The following MYO3B variants were observed in gnomAD, a reference collection of about 807,000 sequenced individuals.
The protein encoded by MYO3B is myosin-IIIb.
In MYO3B, 156 loss-of-function variants were observed where a neutral mutation model predicts 174.6. The ratio of observed to expected loss-of-function variants is 0.89; its 90% CI spans 0.78 to 1.02. The LOEUF (loss-of-function observed/expected upper bound fraction) is 1.02. MYO3B is among the 50% of genes least tolerant of loss of function. MYO3B has a pLI of 0.00. For missense variants in MYO3B, 1,632 were observed against 1,639.4 expected, an observed-to-expected ratio of 1.00 and a Z score of 0.08; for synonymous variants, 563 against 569.1, an observed-to-expected ratio of 0.99 and a Z score of 0.15.
At chr2:170,507,387 TTC>T (rs1322765253) in intron 28 of MYO3B, among the ~76,000 whole-genome samples, 1 of 123,598 alleles carries the variant, frequency 8.1e-6, no homozygotes, top group Admixed American at 9.9e-5. Flanking sequence ...AAGTGGGGCT[TTC>T]TTTCTTTCTT....
Position 170,572,607 on chromosome 2 carries a change from CA to C in MYO3B, c.3733+28636del, listed in dbSNP as rs574487856. 2.0e-3 allele frequency among the ~76,000 whole-genome samples: 248 copies of C among 123,966 alleles called. 2 individuals carry two copies. The highest frequency in any genetic ancestry group is 0.016 in the South Asian group (59 of 3,664). The allele number at this position is 123,966 out of a possible 152,430, so 81.3% of individuals were successfully genotyped here. On this transcript the variant is annotated intron_variant, in intron 32 of 34. Transcript: ENST00000408978. ...TCCAGCCTGGGCAATGACCCTATAT[CA>C]AAAAAAAAAAAAAAAAGGTAAGGAC...
chr2:170,339,223 T>C (rs2093963170), intron 8 of MYO3B, among the ~76,000 whole-genome samples: 2 of 152,346 alleles, frequency 1.3e-5, no homozygotes, highest in South Asian at 4.1e-4. Context: ...AAAGTTTCTT[T>C]TAACCTGAAT....
chr2:170,493,279 A>G (rs1210825208), intron 25 of MYO3B, among the ~76,000 whole-genome samples: 1 of 152,152 alleles, frequency 6.6e-6, no homozygotes, highest in South Asian at 2.1e-4. Flanking sequence ...TTGTGTAGGC[A>G]AGTTTATCAG....
At chr2:170,215,068 A>C (rs2092813118) in intron 5 of MYO3B, among the ~76,000 whole-genome samples, 1 of 152,226 alleles carries the variant, frequency 6.6e-6, no homozygotes, top group Non-Finnish European at 1.5e-5. Context: ...AGTGTTTCAA[A>C]AGAAGAACTT....
intron 32 of MYO3B, among the ~76,000 whole-genome samples, chr2:170,606,233 C>T (rs1358798892): frequency 6.6e-6 from 1 of 152,188 alleles, no homozygotes; most frequent in African/African-American, 2.4e-5. Context: ...CAAACTGCCT[C>T]CCTGGCCATC....
chr2:170,433,604 T>G (rs1027197850), intron 22 of MYO3B, among the ~76,000 whole-genome samples: 1 of 152,144 alleles, frequency 6.6e-6, no homozygotes, highest in Non-Finnish European at 1.5e-5. Flanking sequence ...GCAAAAGGGT[T>G]TTTTGTGGGG....
At chr2:170,503,536 T>A (rs967820939) in intron 28 of MYO3B, among the ~76,000 whole-genome samples, 2 of 151,888 alleles carry the variant, frequency 1.3e-5, no homozygotes, top group Non-Finnish European at 2.9e-5. Flanking sequence ...TCCTTTTTTT[T>A]AGCCTTGCAA....
intron 7 of MYO3B, among the ~76,000 whole-genome samples, chr2:170,246,052 T>A (rs185119521): frequency 6.6e-6 from 1 of 152,248 alleles, no homozygotes; most frequent in Admixed American, 6.5e-5. Context: ...TTTACAAATA[T>A]AATTTTGGGA....
chr2:170,506,321 G>A (rs1011715000), intron 28 of MYO3B, among the ~76,000 whole-genome samples: 3 of 152,196 alleles, frequency 2.0e-5, no homozygotes, highest in Non-Finnish European at 4.4e-5. Flanking sequence ...TCAGTGCAAG[G>A]TTTTCTCCTA....
intron 16 of MYO3B, among the ~76,000 whole-genome samples, chr2:170,395,873 C>T (rs1043917384): frequency 1.3e-5 from 2 of 152,140 alleles, no homozygotes; most frequent in Non-Finnish European, 2.9e-5. Flanking sequence ...CTTAGAGTAG[C>T]GCCAGGCTAA....
chr2:170,501,519 T>C lies in MYO3B; in HGVS notation c.3290-266T>C, dbSNP rs561237470. Reference sequence around the variant, plus strand: ...CATCTCACCTGGAGTAGGGGTCCCATGTGATTCATCAGTGGAACCCAGAGT... The same window carrying C: ...CATCTCACCTGGAGTAGGGGTCCCACGTGATTCATCAGTGGAACCCAGAGT... On this transcript the variant is annotated intron_variant, in intron 27 of 34. Coordinates refer to ENST00000408978, the MANE Select transcript of MYO3B (RefSeq NM_138995.5). Among the ~76,000 whole-genome samples, 55 of 152,250 alleles carry C rather than the reference T, an allele frequency of 3.6e-4. 1 individual carries two copies. The South Asian group carries it at 0.011, about 30-fold the overall frequency.
chr2:170,458,407 A>G (rs1295173293), intron 23 of MYO3B, among the ~76,000 whole-genome samples: 3 of 152,212 alleles, frequency 2.0e-5, no homozygotes, highest in African/African-American at 7.2e-5. Context: ...GTCAATAGCA[A>G]TCACTCAGCC....
At chr2:170,378,181 G>A (rs550070884) in intron 9 of MYO3B, among the ~76,000 whole-genome samples, 1 of 152,280 alleles carries the variant, frequency 6.6e-6, no homozygotes, top group South Asian at 2.1e-4. Flanking sequence ...CTAGGAAAAT[G>A]TTTTTAAAGG....
At chr2:170,581,806 A>G (rs984721934) in intron 32 of MYO3B, among the ~76,000 whole-genome samples, 4 of 152,210 alleles carry the variant, frequency 2.6e-5, no homozygotes, top group African/African-American at 9.6e-5. Flanking sequence ...TGTATATACA[A>G]TAATAACATC....
chr2:170,602,857 G>A (rs759623598), intron 32 of MYO3B, among the ~76,000 whole-genome samples: 5 of 151,986 alleles, frequency 3.3e-5, no homozygotes, highest in Non-Finnish European at 5.9e-5. Flanking sequence ...ACCTGAGGTC[G>A]GGAGTTTGAG....
intron 7 of MYO3B, among the ~76,000 whole-genome samples, chr2:170,282,697 A>G (rs547240007): frequency 4.0e-4 from 61 of 152,200 alleles, no homozygotes; most frequent in African/African-American, 1.4e-3. Flanking sequence ...TTTGATTAGC[A>G]TGATCATTTA....
At chr2:170,498,527 G>T in intron 25 of MYO3B, 65 bp from the exon 26 acceptor site, 1 of 1,122,940 alleles carries the variant, frequency 8.9e-7, no homozygotes, top group South Asian at 1.3e-5. Context: ...ATGGTCCCGA[G>T]TAATTCTACT....
intron 25 of MYO3B, among the ~76,000 whole-genome samples, chr2:170,479,688 AG>A (rs1398922637): frequency 6.8e-6 from 1 of 147,026 alleles, no homozygotes; most frequent in Non-Finnish European, 1.5e-5. Flanking sequence ...ATAAACATAT[AG>A]GTATTATATA....
intron 25 of MYO3B, among the ~76,000 whole-genome samples, chr2:170,471,133 C>T (rs181939283): frequency 1.3e-5 from 2 of 152,130 alleles, no homozygotes; most frequent in East Asian, 3.9e-4. Context: ...TCACTGCAAA[C>T]TCCGCCTCCC....
Sources: gnomAD v4.1 joint callset for allele counts (sites outside exome capture counted in the v4.1 genomes callset) on GRCh38, gnomAD v4.1.1 for gene constraint, MANE v1.5 for transcripts, NCBI Gene and HGNC (gene_info 2026-07-23, HGNC 2026-07-21) for gene names.